Variants in DHRS13 observed in about 807,000 individuals in gnomAD.
DHRS13 encodes dehydrogenase/reductase 13, also known as dehydrogenase/reductase SDR family member 13.
A neutral mutation model predicts 17.9 loss-of-function variants in DHRS13; 22 were observed. The observed-to-expected ratio is 1.23, with a 90% confidence interval of 0.88 to 1.75. DHRS13 has a LOEUF of 1.75. DHRS13 is among the 40% of genes most tolerant of loss of function. DHRS13 has a pLI of 0.00. For missense variants in DHRS13, 483 were observed against 519.9 expected (o/e 0.93, Z 0.69); for synonymous variants, 206 against 220.4 (o/e 0.93, Z 0.58).
rs1225635128 is a variant in DHRS13, at chr17:28,899,536, T to G, written c.683-644A>C. 6.6e-6 allele frequency: 1 copy of G among 152,262 alleles called. No homozygotes were observed. Among genetic ancestry groups the G allele is most frequent in the East Asian group, 1.9e-4 (1 of 5,200 alleles). The allele number at this position is 152,262 out of a possible 1,614,324, so 9.4% of individuals were successfully genotyped here. The stretch of plus-strand genomic sequence containing the variant: ...CAAAGTGTTGCTCTGGATCCCCAAT[T>G]ATCTCACTCAGAGTAAAAGCCAGAA... On this transcript the variant is annotated intron_variant, in intron 4 of 4. Coordinates refer to ENST00000378895, the MANE Select transcript of DHRS13 (RefSeq NM_144683.4). The surrounding 1 kb of genome is among the most constrained non-coding windows in gnomAD (Gnocchi z 4.7).
Position 28,901,044 on chromosome 17 carries a change from C to T in DHRS13, c.628G>A (p.Glu210Lys). ...GTGGCCTCAAGCTGGTTGGCGAGCTCCCGGGCAAACAGTACATTAGCCAGC... is the reference window on the plus strand; with the variant it reads ...GTGGCCTCAAGCTGGTTGGCGAGCTTCCGGGCAAACAGTACATTAGCCAGC... Reference protein sequence around the residue: ...TKLANVLFARELANQLEATGV... With the variant: ...TKLANVLFARKLANQLEATGV... The change falls in exon 4 of 5, where the codon GAG becomes AAG. Residue 210 changes from glutamate to lysine, a missense_variant. Physicochemically the swap from Glu to Lys is moderately conservative, Grantham distance 56. Transcript: ENST00000378895. This position sits in a 1 kb window ranked among gnomAD's most constrained non-coding sequence, Gnocchi z 4.3. The T allele has an allele frequency of 3.7e-6, 6 of 1,612,908 alleles. No individual in the cohort carries two copies. In the South Asian group the frequency reaches 5.5e-5, roughly 15 times the overall value.
In DHRS13 at chr17:28,901,143, G is replaced by A. The variant is rs201231730; in HGVS notation, c.529C>T (p.Arg177Cys). The A allele has an allele frequency of 2.0e-5, 33 of 1,614,164 alleles. No individual in the cohort carries two copies. The highest frequency in any genetic ancestry group is 4.0e-5 in the African/African-American group (3 of 75,038). ...CGGTCCAGGCGTTTGAAGTCAAGACGTCCCCGACAGTGGGCAGCTGAGGCT... is the reference window on the plus strand; with the variant it reads ...CGGTCCAGGCGTTTGAAGTCAAGACATCCCCGACAGTGGGCAGCTGAGGCT... ...VVASAAHCRGRLDFKRLDRPV... is the reference protein window; with the variant it reads ...VVASAAHCRGCLDFKRLDRPV... Residue 177 changes from arginine (R) to cysteine (C), a missense_variant, in exon 4 of 5, where the codon CGT (arginine) becomes TGT (cysteine). Coordinates refer to ENST00000378895, the MANE Select transcript of DHRS13 (RefSeq NM_144683.4). The surrounding 1 kb of genome is among the most constrained non-coding windows in gnomAD (Gnocchi z 4.3).
rs2152651986 is a variant in DHRS13, at chr17:28,898,164, G to C, written c.*277C>G. ...CTCCAGAGCTGATCAGAATCAATAAGGGTGGGGCCTGAAAATACTACATCC... is the reference window on the plus strand; with the variant it reads ...CTCCAGAGCTGATCAGAATCAATAACGGTGGGGCCTGAAAATACTACATCC... On this transcript the variant is annotated 3_prime_UTR_variant, in exon 5 of 5. Transcript: ENST00000378895. The C allele has an allele frequency of 2.1e-6, 1 of 473,832 alleles. No homozygotes were observed. The highest frequency in any genetic ancestry group is 2.0e-5 in the African/African-American group (1 of 49,518). 29.4% of individuals were successfully genotyped at this position (473,832 alleles called of 1,614,324 possible).
At position 28,900,988 on chromosome 17, in the gene DHRS13, A is replaced by T; in HGVS notation, c.682+2T>A. 6.3e-7 allele frequency: 1 copy of T among 1,585,130 alleles called. No individual in the cohort carries two copies. On this transcript the variant is annotated splice_donor_variant, in intron 4 of 4. Transcript: ENST00000378895. LOFTEE classifies it high-confidence loss of function. ...ATCGGAAGCCAAAGAACCAGACCTCACCTGGGTGGGCTGCATAGCAGGTGA... is the reference window on the plus strand; with the variant it reads ...ATCGGAAGCCAAAGAACCAGACCTCTCCTGGGTGGGCTGCATAGCAGGTGA...
chr17:28,902,875 T>C lies in DHRS13; in HGVS notation c.70A>G (p.Lys24Glu). The C allele has an allele frequency of 6.4e-7, 1 of 1,555,038 alleles. No individual in the cohort carries two copies. The highest frequency in any genetic ancestry group is 1.8e-5 in the Admixed American group (1 of 56,048). ...CCCATGCCGCCGCACGGCGGGGCCT[T>C]CACCAGGTTGTAGTAGACAAGCACG... Reference protein sequence around the residue: ...AYVLVYYNLVKAPPCGGMGNL... With the variant: ...AYVLVYYNLVEAPPCGGMGNL... The change falls in exon 1 of 5, where the codon AAG becomes GAG. Residue 24 changes from lysine (K) to glutamate (E), a missense_variant. Physicochemically the swap from Lys to Glu is moderately conservative, Grantham distance 56. Transcript: ENST00000378895. The surrounding 1 kb of genome is among the most constrained non-coding windows in gnomAD (Gnocchi z 4.0).
Position 28,901,870 on chromosome 17 carries a change from C to G in DHRS13, c.247-254G>C. 2.0e-6 allele frequency: 1 copy of G among 501,676 alleles called. No individual in the cohort carries two copies. The highest frequency in any genetic ancestry group is 3.6e-5 in the East Asian group (1 of 27,936). 31.1% of individuals were successfully genotyped at this position (501,676 alleles called of 1,614,324 possible). A position where few individuals can be genotyped will look rare whatever the true frequency, so the allele number is the denominator to read the frequency against. On this transcript the variant is annotated intron_variant, in intron 2 of 4. Transcript: ENST00000378895. The surrounding 1 kb of genome is among the most constrained non-coding windows in gnomAD (Gnocchi z 4.3). ...AAGGGAATAATAATAACAACAGTCC[C>G]AATCTCACTGAGCTTTTGTGAGGAT...
chr17:28,901,755 G>A lies in DHRS13; in HGVS notation c.247-139C>T, dbSNP rs2039807783. ...GTCTTAGAGTGTACTAGATAAGTGT[G>A]TGGATTCAAATCCTGACTTTGCCTT... On this transcript the variant is annotated intron_variant, in intron 2 of 4. Coordinates refer to ENST00000378895, the MANE Select transcript of DHRS13 (RefSeq NM_144683.4). The surrounding 1 kb of genome is among the most constrained non-coding windows in gnomAD (Gnocchi z 4.3). The A allele has an allele frequency of 3.6e-6, 5 of 1,388,006 alleles. No homozygotes were observed. The highest frequency in any genetic ancestry group is 4.8e-6 in the Non-Finnish European group (5 of 1,048,756). The allele number at this position is 1,388,006 out of a possible 1,614,324, so 86.0% of individuals were successfully genotyped here.
rs1404134417 is a variant in DHRS13 at position 28,898,162 on chromosome 17, A to G, written c.*279T>C. On this transcript the variant is annotated 3_prime_UTR_variant, in exon 5 of 5. Coordinates refer to ENST00000378895, the MANE Select transcript of DHRS13 (RefSeq NM_144683.4). ...TGCTCCAGAGCTGATCAGAATCAATAAGGGTGGGGCCTGAAAATACTACAT... is the reference window on the plus strand; with the variant it reads ...TGCTCCAGAGCTGATCAGAATCAATGAGGGTGGGGCCTGAAAATACTACAT... The G allele has an allele frequency of 2.2e-6, 1 of 461,300 alleles. No individual in the cohort carries two copies. The highest frequency in any genetic ancestry group is 3.8e-6 in the Non-Finnish European group (1 of 261,068). 28.6% of individuals were successfully genotyped at this position (461,300 alleles called of 1,614,324 possible).
rs1415901394 is a variant in DHRS13, at chr17:28,901,678, G to C, written c.247-62C>G. ...TCTCTCTCCTCTTCCCTCTCCCCAG[G>C]CACCAAATTCTGAGAGTCCATCTCC... On this transcript the variant is annotated intron_variant, in intron 2 of 4. Transcript: ENST00000378895. The surrounding 1 kb of genome is among the most constrained non-coding windows in gnomAD (Gnocchi z 4.3). 1.9e-6 allele frequency: 3 copies of C among 1,599,150 alleles called. No individual in the cohort carries two copies. In the African/African-American group the frequency reaches 4.0e-5, roughly 21 times the overall value.
At position 28,901,667 on chromosome 17, in the gene DHRS13, C is replaced by CCT; in HGVS notation, c.247-53_247-52dup. On this transcript the variant is annotated intron_variant, in intron 2 of 4. Transcript: ENST00000378895. This position sits in a 1 kb window ranked among gnomAD's most constrained non-coding sequence, Gnocchi z 4.3. ...GTCACCAGGCATCTCTCTCCTCTTC[C>CCT]CTCTCCCCAGGCACCAAATTCTGAG... 6.2e-7 allele frequency: 1 copy of CCT among 1,605,298 alleles called. No individual in the cohort carries two copies. Among genetic ancestry groups the CCT allele is most frequent in the Non-Finnish European group, 8.5e-7 (1 of 1,173,844 alleles).
Position 28,901,949 on chromosome 17 carries a change from A to T in DHRS13, c.247-333T>A, listed in dbSNP as rs918988275. On this transcript the variant is annotated intron_variant, in intron 2 of 4. Transcript: ENST00000378895. The surrounding 1 kb of genome is among the most constrained non-coding windows in gnomAD (Gnocchi z 4.3). ...TAGCAGCACTGGGTAGGTACTTGCT[A>T]TTATTATTATCACCTCCTTTCCCCA... 4.4e-6 allele frequency: 1 copy of T among 227,844 alleles called. No individual in the cohort carries two copies. The highest frequency in any genetic ancestry group is 2.3e-5 in the African/African-American group (1 of 43,638). 14.1% of individuals were successfully genotyped at this position (227,844 alleles called of 1,614,324 possible).
Position 28,901,246 on chromosome 17 carries a change from G to A in DHRS13, c.426C>T (p.Asn142=). 6.2e-7 allele frequency: 1 copy of A among 1,614,146 alleles called. No homozygotes were observed. The highest frequency in any genetic ancestry group is 8.5e-7 in the Non-Finnish European group (1 of 1,179,998). The change falls in exon 4 of 5, where the codon AAC becomes AAT. Residue 142 remains asparagine, a synonymous_variant. Coordinates refer to ENST00000378895, the MANE Select transcript of DHRS13 (RefSeq NM_144683.4). This position sits in a 1 kb window ranked among gnomAD's most constrained non-coding sequence, Gnocchi z 4.3. ...GTGTCAGCAGAAAGGGACCGATATG[G>A]TTCACCCGAAGCAGCAGGTTAAACG... The part of the protein sequence containing the change: ...REAFNLLLRV[N]HIGPFLLTHL...
rs1355160320 is a variant in DHRS13, at chr17:28,898,817, A to T, written c.758T>A (p.Leu253Gln). 6.2e-7 allele frequency: 1 copy of T among 1,609,448 alleles called. No homozygotes were observed. The highest frequency in any genetic ancestry group is 1.1e-5 in the South Asian group (1 of 90,458). The change falls in exon 5 of 5, where the codon CTG becomes CAG. Residue 253 changes from leucine (L) to glutamine (Q), a missense_variant. Physicochemically the swap from Leu to Gln is moderately radical, Grantham distance 113. Transcript: ENST00000378895. ...LRPLLRPLAW[L>Q]VLRAPRGGAQ... The stretch of plus-strand genomic sequence containing the variant: ...ACCCCCTCTTGGTGCCCGGAGCACC[A>T]GCCAAGCCAATGGGCGCAAAAGTGG...
chr17:28,901,105 G>C lies in DHRS13; in HGVS notation c.567C>G (p.Gly189=), dbSNP rs747796144. 7.4e-6 allele frequency: 12 copies of C among 1,614,034 alleles called. No individual in the cohort carries two copies. Among genetic ancestry groups the C allele is most frequent in the Admixed American group, 5.0e-5 (3 of 59,988 alleles). The change falls in exon 4 of 5, where the codon GGC becomes GGG. Residue 189 remains glycine (G), a synonymous_variant. Transcript: ENST00000378895. The surrounding 1 kb of genome is among the most constrained non-coding windows in gnomAD (Gnocchi z 4.3). ...CATATGCCCGCAGCTCCTGCCGCCA[G>C]CCCACCACTGGGCGGTCCAGGCGTT... is the stretch of plus-strand genomic sequence containing the variant. ...DFKRLDRPVV[G]WRQELRAYAD...
chr17:28,900,961 G>T, intron 4 of DHRS13, 29 bp downstream of exon 4: 16 of 1,554,616 alleles, frequency 1.0e-5, no homozygotes, highest in Non-Finnish European at 1.3e-5. Context: ...AAGGAGAGGG[G>T]AATCGGAAGC....
At position 28,898,304 on chromosome 17, in the gene DHRS13, A is replaced by G. The variant is rs1728004492; in HGVS notation, c.*137T>C. ...CCTTCAACCAGGAAAAGAGATGTCC[A>G]GGGCACAGCTTGGGGCCCCAGAAAG... is the stretch of plus-strand genomic sequence containing the variant. On this transcript the variant is annotated 3_prime_UTR_variant, in exon 5 of 5. Coordinates refer to ENST00000378895, the MANE Select transcript of DHRS13 (RefSeq NM_144683.4). 2.4e-6 allele frequency: 2 copies of G among 844,268 alleles called. No homozygotes were observed. Among genetic ancestry groups the G allele is most frequent in the East Asian group, 5.4e-5 (2 of 37,010 alleles). 52.3% of individuals were successfully genotyped at this position (844,268 alleles called of 1,614,324 possible).
Position 28,902,316 on chromosome 17 carries a change from C to T in DHRS13, c.246+267G>A, listed in dbSNP as rs117115030. On this transcript the variant is annotated intron_variant, in intron 2 of 4. Coordinates refer to ENST00000378895, the MANE Select transcript of DHRS13 (RefSeq NM_144683.4). This position sits in a 1 kb window ranked among gnomAD's most constrained non-coding sequence, Gnocchi z 4.0. The stretch of plus-strand genomic sequence containing the variant: ...GCTTATGCTGTGCCCTCTGCTGTTC[C>T]CTTTCCTACTGATCATTAACCCAAC... Among the ~76,000 whole-genome samples the T allele has an allele frequency of 6.6e-6, 1 of 152,336 alleles. No homozygotes were observed. The highest frequency in any genetic ancestry group is 1.9e-4 in the East Asian group (1 of 5,192).
intron 4 of DHRS13, among the ~76,000 whole-genome samples, chr17:28,900,152 T>C (rs747015120): frequency 6.6e-5 from 10 of 152,024 alleles, no homozygotes; most frequent in Non-Finnish European, 1.2e-4. Context: ...GACCTTGTGA[T>C]TGCCCGCCTC....
rs78712875 is a variant in DHRS13, at chr17:28,899,047, A to C, written c.683-155T>G. 28,425 of 635,978 alleles carry C rather than the reference A, an allele frequency of 0.045. 848 individuals carry two copies. Among genetic ancestry groups the C allele is most frequent in the Admixed American group, 0.055 (1,510 of 27,596 alleles). The allele number at this position is 635,978 out of a possible 1,614,324, so 39.4% of individuals were successfully genotyped here. On this transcript the variant is annotated intron_variant, in intron 4 of 4. Transcript: ENST00000378895. This position sits in a 1 kb window ranked among gnomAD's most constrained non-coding sequence, Gnocchi z 4.7. Reference sequence around the variant, plus strand: ...TCAAGCTCTGTCTCTTTAAAAAAAAAAACAACAACAAAAAAAATAGAACAG... The same window carrying C: ...TCAAGCTCTGTCTCTTTAAAAAAAACAACAACAACAAAAAAAATAGAACAG...
Sources: allele counts gnomAD v4.1 joint callset (sites outside exome capture counted in the v4.1 genomes callset), GRCh38; gene constraint gnomAD v4.1.1; non-coding constraint Gnocchi (gnomAD v3.1); transcripts MANE v1.5; gene names NCBI Gene and HGNC (gene_info 2026-07-23, HGNC 2026-07-21).